The following MGAT5B variants were observed in gnomAD, a reference collection of about 807,000 sequenced individuals.
MGAT5B encodes the protein N-acetylglucosaminyl-transferase Vb.
Under a neutral mutation model 95.1 loss-of-function variants are expected in MGAT5B, and 54 were observed. The ratio of observed to expected loss-of-function variants is 0.57; its 90% CI spans 0.46 to 0.71. The LOEUF (loss-of-function observed/expected upper bound fraction) is 0.71. Ranked by LOEUF, MGAT5B falls within the 30% of genes least tolerant of loss-of-function variation. MGAT5B has a pLI of 0.00. For missense variants in MGAT5B, 935 were observed against 1,088.6 expected (o/e 0.86, Z 1.99); for synonymous variants, 464 against 451.0 (o/e 1.03, Z -0.36).
chr17:76,899,174 T>C (rs1968210648), intron 3 of MGAT5B, among the ~76,000 whole-genome samples: 1 of 152,184 alleles, frequency 6.6e-6, no homozygotes, highest in African/African-American at 2.4e-5. Flanking sequence ...TGGCTTGGCT[T>C]GTCTTGACAT....
At chr17:76,945,007 GAAGCCTA>G (rs1413947158) in intron 15 of MGAT5B, among the ~76,000 whole-genome samples, 2 of 152,200 alleles carry the variant, frequency 1.3e-5, no homozygotes, top group Non-Finnish European at 2.9e-5. Context: ...TGGGGAGGTT[GAAGCCTA>G]AAACAGACCT....
intron 2 of MGAT5B, among the ~76,000 whole-genome samples, chr17:76,879,944 G>A (rs1179306776): frequency 2.0e-5 from 3 of 152,178 alleles, no homozygotes; most frequent in Non-Finnish European, 2.9e-5. Context: ...GTGTGAGTGC[G>A]TGGGGAGGGC....
chr17:76,911,223 T>C (rs979333312), intron 8 of MGAT5B, among the ~76,000 whole-genome samples: 2 of 152,216 alleles, frequency 1.3e-5, no homozygotes, highest in African/African-American at 4.8e-5. Flanking sequence ...TTGGAAAAGC[T>C]TGAGGCTGTG....
At chr17:76,904,663 C>T (rs1401968349) in intron 6 of MGAT5B, among the ~76,000 whole-genome samples, 2 of 152,210 alleles carry the variant, frequency 1.3e-5, no homozygotes, top group East Asian at 3.8e-4. Flanking sequence ...GGAGATGCCC[C>T]CTTAGTGGAC....
intron 3 of MGAT5B, among the ~76,000 whole-genome samples, chr17:76,891,641 G>A (rs182228144): frequency 6.6e-6 from 1 of 152,156 alleles, no homozygotes; most frequent in South Asian, 2.1e-4. Context: ...CGGCCTCCCA[G>A]AGTGGTGGGA....
chr17:76,882,037 G>A, intron 2 of MGAT5B, 114 bp from the exon 3 acceptor site: 3 of 1,087,704 alleles, frequency 2.8e-6, no homozygotes, highest in Non-Finnish European at 2.5e-6. Flanking sequence ...GTCTGGTGTT[G>A]GTTGGTGCTG....
intron 12 of MGAT5B, among the ~76,000 whole-genome samples, chr17:76,934,029 C>A (rs1023369204): frequency 1.3e-5 from 2 of 152,204 alleles, no homozygotes; most frequent in Non-Finnish European, 2.9e-5. Flanking sequence ...ATGCCCACTT[C>A]CAGGGGATGC....
chr17:76,899,493 C>T (rs999339609), intron 3 of MGAT5B, among the ~76,000 whole-genome samples: 5 of 152,058 alleles, frequency 3.3e-5, no homozygotes, highest in South Asian at 4.2e-4. Context: ...AAAAATTAGC[C>T]GGACGTGGTG....
chr17:76,933,861 C>T (rs867750705), intron 12 of MGAT5B, among the ~76,000 whole-genome samples: 1 of 152,254 alleles, frequency 6.6e-6, no homozygotes, highest in East Asian at 1.9e-4. Flanking sequence ...CTTGACCCAT[C>T]GTGTTTAGTT....
At chr17:76,877,864 G>C (rs550579598) in intron 2 of MGAT5B, among the ~76,000 whole-genome samples, 2 of 152,074 alleles carry the variant, frequency 1.3e-5, no homozygotes, top group Non-Finnish European at 2.9e-5. Flanking sequence ...GAGACAGAGA[G>C]AGACGAAGAG....
Position 76,916,270 on chromosome 17 carries a change from G to A in MGAT5B, c.1026-8696G>A, listed in dbSNP as rs1968934581. 6.6e-6 allele frequency among the ~76,000 whole-genome samples: 1 copy of A among 152,140 alleles called. No homozygotes were observed. Among genetic ancestry groups the A allele is most frequent in the Admixed American group, 6.5e-5 (1 of 15,286 alleles). Reference sequence around the variant, plus strand: ...CGCCTCCCCTCATGCTCCACGCGCTGCGCTGGCGTCACAGGGAGTCTGTTT... The same window carrying A: ...CGCCTCCCCTCATGCTCCACGCGCTACGCTGGCGTCACAGGGAGTCTGTTT... On this transcript the variant is annotated intron_variant, in intron 8 of 17. Coordinates refer to ENST00000569840, the MANE Select transcript of MGAT5B (RefSeq NM_001199172.2). The surrounding 1 kb of genome is among the most constrained non-coding windows in gnomAD (Gnocchi z 5.3).
rs894950975 is a variant in MGAT5B at position 76,904,264 on chromosome 17, C to T, written c.532C>T (p.Arg178Cys). Residue 178 changes from arginine (R) to cysteine (C), a missense_variant, in exon 6 of 18, where the codon CGC becomes TGC. Around this residue, in one of 4 missense-constraint regions of MGAT5B, gnomAD observed 243 missense variants for 305.5 expected, o/e 0.80. Transcript: ENST00000569840. ...CSGKVEWMRA[R>C]WTSDPCYAFF... ...GCCCTCTCTGCAGTGGATGCGTGCC[C>T]GCTGGACCTCTGACCCCTGCTACGC... 2.4e-5 allele frequency: 39 copies of T among 1,608,668 alleles called. No individual in the cohort carries two copies. Among genetic ancestry groups the T allele is most frequent in the Non-Finnish European group, 2.9e-5 (34 of 1,178,346 alleles).
rs138603241 is a variant in MGAT5B, at chr17:76,926,267, C to T, written c.1158-330C>T. Among the ~76,000 whole-genome samples, 1,003 of 152,246 alleles carry T rather than the reference C, an allele frequency of 6.6e-3. 11 individuals are homozygous for T. The highest frequency in any genetic ancestry group is 0.023 in the African/African-American group (958 of 41,538). ...GGACCCAGGGGACACCAGAGAGGGA[C>T]CCCCTCTCCAAGCAGTGCCTCCCTT... On this transcript the variant is annotated intron_variant, in intron 9 of 17. Transcript: ENST00000569840.
chr17:76,901,804 G>C (rs2145183572), intron 3 of MGAT5B, among the ~76,000 whole-genome samples: 1 of 152,388 alleles, frequency 6.6e-6, no homozygotes, highest in South Asian at 2.1e-4. Flanking sequence ...GAGAGGCCCG[G>C]CTGTGCCTAG....
chr17:76,935,928 A>G (rs1191554436), intron 12 of MGAT5B, among the ~76,000 whole-genome samples: 1 of 140,136 alleles, frequency 7.1e-6, no homozygotes, highest in African/African-American at 2.6e-5. Context: ...ATATTATATA[A>G]TTATATATAC....
chr17:76,875,316 C>T (rs751081865), intron 2 of MGAT5B, among the ~76,000 whole-genome samples: 7 of 152,136 alleles, frequency 4.6e-5, no homozygotes, highest in Non-Finnish European at 7.4e-5. Flanking sequence ...TACCTTGGTG[C>T]TGTTCTTGTG....
Position 76,915,934 on chromosome 17 carries a change from C to A in MGAT5B, c.1026-9032C>A, listed in dbSNP as rs908538408. Reference sequence around the variant, plus strand: ...ACCCAAGTTGGCTGGCGGTCAGAACCCTTCCCCAGGAAATTCAGACTTGGG... The same window carrying A: ...ACCCAAGTTGGCTGGCGGTCAGAACACTTCCCCAGGAAATTCAGACTTGGG... On this transcript the variant is annotated intron_variant, in intron 8 of 17. Transcript: ENST00000569840. This position sits in a 1 kb window ranked among gnomAD's most constrained non-coding sequence, Gnocchi z 8.7. Among the ~76,000 whole-genome samples the A allele has an allele frequency of 2.0e-5, 3 of 152,226 alleles. No homozygotes were observed. Among genetic ancestry groups the A allele is most frequent in the African/African-American group, 7.2e-5 (3 of 41,456 alleles).
chr17:76,890,565 A>G (rs781201514), intron 3 of MGAT5B, among the ~76,000 whole-genome samples: 3 of 152,140 alleles, frequency 2.0e-5, no homozygotes, highest in Non-Finnish European at 2.9e-5. Context: ...GTGCAGTGGC[A>G]CAATCACAGC....
chr17:76,887,665 C>T (rs905968669), intron 3 of MGAT5B, among the ~76,000 whole-genome samples: 4 of 150,840 alleles, frequency 2.7e-5, no homozygotes, highest in East Asian at 1.9e-4. Flanking sequence ...GCAATTCTCC[C>T]GCCTCAGCCT....
Sources: gnomAD v4.1 joint callset for allele counts (sites outside exome capture counted in the v4.1 genomes callset) on GRCh38, gnomAD v4.1.1 for gene constraint, gnomAD v4.1.1 regional missense constraint, Gnocchi (gnomAD v3.1) non-coding constraint, MANE v1.5 for transcripts, NCBI Gene and HGNC (gene_info 2026-07-23, HGNC 2026-07-21) for gene names.